Variants in GUCY1A2 observed in about 807,000 individuals in gnomAD.
The protein encoded by GUCY1A2 is guanylate cyclase 1 soluble subunit alpha 2.
A neutral mutation model predicts 63.5 loss-of-function variants in GUCY1A2; 27 were observed. The observed-to-expected ratio is 0.43, with a 90% CI of 0.31 to 0.59. The LOEUF is 0.59. GUCY1A2 is among the 20% of genes least tolerant of loss of function. GUCY1A2 has a pLI of 0.11. For missense variants in GUCY1A2, 768 were observed against 913.3 expected (o/e 0.84, Z 2.05); for synonymous variants, 364 against 343.5 (o/e 1.06, Z -0.66).
intron 4 of GUCY1A2, among the ~76,000 whole-genome samples, chr11:106,821,803 T>C (rs1019381784): frequency 6.6e-5 from 10 of 152,164 alleles, no homozygotes; most frequent in Non-Finnish European, 1.2e-4. Context: ...AAGACTAACA[T>C]CCAATTATTA....
intron 3 of GUCY1A2, among the ~76,000 whole-genome samples, chr11:106,959,585 C>T (rs1261214290): frequency 6.6e-6 from 1 of 152,168 alleles, no homozygotes; most frequent in Non-Finnish European, 1.5e-5. Context: ...AAGAGAGCTG[C>T]CGGCTCAAGA....
chr11:106,993,028 A>G (rs556901373), intron 1 of GUCY1A2, among the ~76,000 whole-genome samples: 2 of 152,326 alleles, frequency 1.3e-5, no homozygotes, highest in Admixed American at 6.5e-5. Context: ...ATGATGCTCA[A>G]GAGGAATCCT....
intron 4 of GUCY1A2, among the ~76,000 whole-genome samples, chr11:106,825,567 A>G (rs1858958438): frequency 6.6e-6 from 1 of 151,826 alleles, no homozygotes; most frequent in African/African-American, 2.4e-5. Context: ...TTATATACTT[A>G]GCTATATTTT....
In GUCY1A2 at chr11:106,685,371, G is replaced by C. The variant is rs1462496614; in HGVS notation, c.*2178C>G. 9.4e-6 allele frequency: 2 copies of C among 213,448 alleles called. No homozygotes were observed. Among genetic ancestry groups the C allele is most frequent in the Non-Finnish European group, 1.9e-5 (2 of 105,758 alleles). 13.2% of individuals were successfully genotyped at this position (213,448 alleles called of 1,614,324 possible). On this transcript the variant is annotated 3_prime_UTR_variant, in exon 8 of 8. Coordinates refer to ENST00000526355, the MANE Select transcript of GUCY1A2 (RefSeq NM_000855.3). ...ATGATGCTTTTCAAATATGCTTCCC[G>C]TAGATATTCTTAAGTATGGAGATAA... is the stretch of plus-strand genomic sequence containing the variant.
chr11:106,736,996 G>A (rs1362729674), intron 6 of GUCY1A2, among the ~76,000 whole-genome samples: 1 of 152,100 alleles, frequency 6.6e-6, no homozygotes, highest in African/African-American at 2.4e-5. Flanking sequence ...TTTGTCTATG[G>A]AGGGCAGGAC....
intron 4 of GUCY1A2, among the ~76,000 whole-genome samples, chr11:106,883,087 G>A (rs939237387): frequency 3.3e-5 from 5 of 152,026 alleles, no homozygotes; most frequent in Admixed American, 6.6e-5. Context: ...CACATTGAAG[G>A]TATCTAGAGA....
At chr11:106,842,810 T>C (rs1297600844) in intron 4 of GUCY1A2, among the ~76,000 whole-genome samples, 1 of 151,914 alleles carries the variant, frequency 6.6e-6, no homozygotes, top group Non-Finnish European at 1.5e-5. Context: ...AGCTTGTGAT[T>C]CTCAAATAAG....
intron 6 of GUCY1A2, among the ~76,000 whole-genome samples, chr11:106,743,695 T>A (rs998615051): frequency 9.2e-5 from 14 of 152,206 alleles, no homozygotes; most frequent in Non-Finnish European, 1.8e-4. Flanking sequence ...TGTATTTGTC[T>A]CTTCTACTAG....
chr11:106,708,705 T>G (rs752359917), intron 6 of GUCY1A2, 39 bp from the exon 7 acceptor site: 4 of 1,434,600 alleles, frequency 2.8e-6, no homozygotes, highest in Non-Finnish European at 3.8e-6. Context: ...CATATTTGTT[T>G]CCATTTGGTA....
chr11:106,750,278 C>G (rs1863860732), intron 6 of GUCY1A2, among the ~76,000 whole-genome samples: 1 of 152,060 alleles, frequency 6.6e-6, no homozygotes, highest in Non-Finnish European at 1.5e-5. Flanking sequence ...CACCTTCTTC[C>G]CCCTGCTTTA....
intron 3 of GUCY1A2, among the ~76,000 whole-genome samples, chr11:106,962,898 C>T (rs1362374748): frequency 6.6e-6 from 1 of 151,750 alleles, no homozygotes; most frequent in South Asian, 2.1e-4. Flanking sequence ...TGTGCTTATG[C>T]TCTGACCTGT....
At chr11:106,703,495 A>AG (rs1430494294) in intron 7 of GUCY1A2, among the ~76,000 whole-genome samples, 6 of 151,686 alleles carry the variant, frequency 4.0e-5, no homozygotes, top group Middle Eastern at 6.8e-3. Context: ...TAGAAGTAGA[A>AG]TTAGAAAGAT....
Position 106,683,901 on chromosome 11 carries a change from A to G in GUCY1A2, c.*3648T>C. On this transcript the variant is annotated 3_prime_UTR_variant, in exon 8 of 8. Coordinates refer to ENST00000526355, the MANE Select transcript of GUCY1A2 (RefSeq NM_000855.3). Reference sequence around the variant, plus strand: ...TCATTCAGCAGCAGTATGATTCTATACAAAACACAGAGCCTGGTGGGGTTT... The same window carrying G: ...TCATTCAGCAGCAGTATGATTCTATGCAAAACACAGAGCCTGGTGGGGTTT... 1 of 201,988 alleles carries G rather than the reference A, an allele frequency of 5.0e-6. No homozygotes were observed. Among genetic ancestry groups the G allele is most frequent in the Non-Finnish European group, 1.0e-5 (1 of 98,126 alleles). 12.5% of individuals were successfully genotyped at this position (201,988 alleles called of 1,614,324 possible). A position where few individuals can be genotyped will look rare whatever the true frequency, so the allele number is the denominator to read the frequency against.
intron 6 of GUCY1A2, among the ~76,000 whole-genome samples, chr11:106,775,328 AC>A (rs898777710): frequency 1.3e-5 from 2 of 152,148 alleles, no homozygotes; most frequent in African/African-American, 4.8e-5. Context: ...ACAACCACAA[AC>A]TAGGACCTTA....
chr11:106,814,842 T>C (rs993981500), intron 4 of GUCY1A2, among the ~76,000 whole-genome samples: 4 of 152,050 alleles, frequency 2.6e-5, no homozygotes, highest in Non-Finnish European at 2.9e-5. Context: ...TAGAGTCTCC[T>C]AACAAACACA....
At chr11:106,697,412 A>C (rs1191078629) in intron 7 of GUCY1A2, among the ~76,000 whole-genome samples, 3 of 152,200 alleles carry the variant, frequency 2.0e-5, no homozygotes, top group African/African-American at 7.2e-5. Flanking sequence ...TAGTTTAAAA[A>C]CGAATACTCC....
chr11:106,815,677 G>A (rs974591703), intron 4 of GUCY1A2, among the ~76,000 whole-genome samples: 3 of 151,926 alleles, frequency 2.0e-5, no homozygotes, highest in Non-Finnish European at 4.4e-5. Flanking sequence ...AATCATATGC[G>A]ATGACTGAGA....
In GUCY1A2 at chr11:106,678,030, A is replaced by G. The variant is rs1477807154; in HGVS notation, c.*9519T>C. On this transcript the variant is annotated 3_prime_UTR_variant, in exon 8 of 8. Transcript: ENST00000526355. Reference sequence around the variant, plus strand: ...AAATGAATTTTATGAGTGCCTGGTGACACACTTGAAACAAATTTTAAAAGA... The same window carrying G: ...AAATGAATTTTATGAGTGCCTGGTGGCACACTTGAAACAAATTTTAAAAGA... 5.0e-6 allele frequency: 1 copy of G among 201,874 alleles called. No homozygotes were observed. The highest frequency in any genetic ancestry group is 1.0e-5 in the Non-Finnish European group (1 of 98,070). 12.5% of individuals were successfully genotyped at this position (201,874 alleles called of 1,614,324 possible).
chr11:106,687,345 C>T lies in GUCY1A2; in HGVS notation c.*204G>A. 1 of 577,332 alleles carries T rather than the reference C, an allele frequency of 1.7e-6. No homozygotes were observed. Among genetic ancestry groups the T allele is most frequent in the South Asian group, 2.1e-5 (1 of 47,282 alleles). 35.8% of individuals were successfully genotyped at this position (577,332 alleles called of 1,614,324 possible). On this transcript the variant is annotated 3_prime_UTR_variant, in exon 8 of 8. Coordinates refer to ENST00000526355, the MANE Select transcript of GUCY1A2 (RefSeq NM_000855.3). The stretch of plus-strand genomic sequence containing the variant: ...CCAAAACCACTCATATGAATGGACA[C>T]ATCTTATTTCCCTCATCCTCCGGCT...
Sources: allele counts gnomAD v4.1 joint callset (sites outside exome capture counted in the v4.1 genomes callset), GRCh38; gene constraint gnomAD v4.1.1; transcripts MANE v1.5; gene names NCBI Gene and HGNC (gene_info 2026-07-23, HGNC 2026-07-21).